The following BICRAL variants were observed in gnomAD, a reference collection of about 807,000 sequenced individuals.
BICRAL encodes the protein BICRA like chromatin remodeling complex associated protein.
BICRAL carries 8 observed loss-of-function variants against 91.8 expected under a neutral mutation model. The ratio of observed to expected loss-of-function variants is 0.09; its 90% CI spans 0.05 to 0.16. The LOEUF (loss-of-function observed/expected upper bound fraction) is 0.16, where lower values mean the gene tolerates loss of function less well. Ranked by LOEUF, BICRAL falls within the 10% of genes least tolerant of loss-of-function variation. The pLI, the probability that BICRAL is intolerant of heterozygous loss-of-function variation, is 1.00. For missense variants in BICRAL, 1,038 were observed against 1,310.9 expected, an observed-to-expected ratio of 0.79 and a Z score of 3.21; for synonymous variants, 445 against 491.1, an observed-to-expected ratio of 0.91 and a Z score of 1.24.
intron 6 of BICRAL, among the ~76,000 whole-genome samples, chr6:42,830,586 A>T (rs1360369826): frequency 6.6e-6 from 1 of 151,646 alleles, no homozygotes; most frequent in East Asian, 1.9e-4. Flanking sequence ...TTTTACACTT[A>T]TGACTGGTTA....
At chr6:42,809,949 G>C (rs1472474396) in intron 1 of BICRAL, among the ~76,000 whole-genome samples, 1 of 151,966 alleles carries the variant, frequency 6.6e-6, no homozygotes, top group South Asian at 2.1e-4. Context: ...ACCACACCTG[G>C]TTGAGTTCTG....
intron 8 of BICRAL, 106 bp downstream of exon 8, chr6:42,853,844 C>A: frequency 1.3e-6 from 1 of 793,448 alleles, no homozygotes; most frequent in Non-Finnish European, 2.1e-6. Flanking sequence ...GCACAGTCCA[C>A]CCAGTCCCCT....
intron 1 of BICRAL, among the ~76,000 whole-genome samples, chr6:42,788,657 A>G (rs1387559215): frequency 6.6e-6 from 1 of 152,188 alleles, no homozygotes; most frequent in African/African-American, 2.4e-5. Context: ...TATAGGACTT[A>G]ACTTTCTGAC....
At chr6:42,861,793 G>A (rs971617030) in intron 11 of BICRAL, among the ~76,000 whole-genome samples, 8 of 152,052 alleles carry the variant, frequency 5.3e-5, no homozygotes, top group African/African-American at 1.7e-4. Context: ...GAGGTCAGGA[G>A]TTTGAGACCA....
chr6:42,749,770 A>AT (rs1370681704), intron 1 of BICRAL, among the ~76,000 whole-genome samples: 3 of 150,460 alleles, frequency 2.0e-5, no homozygotes, highest in African/African-American at 7.3e-5. Flanking sequence ...CACCCTGATT[A>AT]TTTTTTGGCC....
intron 1 of BICRAL, among the ~76,000 whole-genome samples, chr6:42,753,445 A>G (rs1762411471): frequency 1.3e-5 from 2 of 152,148 alleles, no homozygotes; most frequent in Admixed American, 6.6e-5. Context: ...GGAAAGCTTC[A>G]GAGGGGGTTG....
At chr6:42,775,177 C>T (rs938498434) in intron 1 of BICRAL, among the ~76,000 whole-genome samples, 34 of 152,168 alleles carry the variant, frequency 2.2e-4, no homozygotes, top group Non-Finnish European at 1.5e-5. Flanking sequence ...TCAGGTGATC[C>T]GCCCGCTTCA....
intron 6 of BICRAL, among the ~76,000 whole-genome samples, chr6:42,850,524 A>G (rs1295017149): frequency 6.6e-6 from 1 of 151,556 alleles, no homozygotes; most frequent in African/African-American, 2.4e-5. Context: ...CATCTTTCAA[A>G]AAAAAAAACA....
intron 6 of BICRAL, among the ~76,000 whole-genome samples, chr6:42,848,846 T>G (rs781405063): frequency 2.0e-5 from 3 of 152,006 alleles, no homozygotes; most frequent in African/African-American, 4.8e-5. Flanking sequence ...ACAAAACAAT[T>G]AATTATAAAG....
rs150839427 is a variant in BICRAL, at chr6:42,858,805, G to A, written c.2255-1457G>A. Among the ~76,000 whole-genome samples the A allele has an allele frequency of 1.1e-4, 16 of 152,020 alleles. No individual in the cohort carries two copies. The South Asian group carries it at 1.2e-3, about 12-fold the overall frequency. On this transcript the variant is annotated intron_variant, in intron 10 of 12. Coordinates refer to ENST00000314073, the MANE Select transcript of BICRAL (RefSeq NM_001393499.1). ...GCACTCCAGCCTGGGCAACAAGAGC[G>A]AAACTCCATCTAAAAAATAAATAAA...
At position 42,845,202 on chromosome 6, in the gene BICRAL, T is replaced by G. The variant is rs1216649919; in HGVS notation, c.1840-6890T>G. ...GTTTTTTGTTTTTTGGGTGTTTTTTTTTTTTTTTTTTTTTTTTTTTTTTTT... is the reference window on the plus strand; with the variant it reads ...GTTTTTTGTTTTTTGGGTGTTTTTTGTTTTTTTTTTTTTTTTTTTTTTTTT... On this transcript the variant is annotated intron_variant, in intron 6 of 12. Transcript: ENST00000314073. Among the ~76,000 whole-genome samples, 40 of 18,332 alleles carry G rather than the reference T, an allele frequency of 2.2e-3. 5 individuals are homozygous for G. The highest frequency in any genetic ancestry group is 0.01 in the South Asian group (5 of 496). 12.0% of individuals were successfully genotyped at this position (18,332 alleles called of 152,430 possible). A position where few individuals can be genotyped will look rare whatever the true frequency, so the allele number is the denominator to read the frequency against.
At chr6:42,767,709 C>T (rs945818843) in intron 1 of BICRAL, among the ~76,000 whole-genome samples, 2 of 152,184 alleles carry the variant, frequency 1.3e-5, no homozygotes, top group Admixed American at 6.5e-5. Flanking sequence ...AATCCAGGGA[C>T]AGACAGGACA....
intron 6 of BICRAL, among the ~76,000 whole-genome samples, chr6:42,840,664 G>A (rs980760796): frequency 3.3e-5 from 5 of 152,030 alleles, no homozygotes; most frequent in Non-Finnish European, 4.4e-5. Context: ...GCACCCCCTA[G>A]TAGCTGGGAT....
At chr6:42,836,943 T>C (rs1418063536) in intron 6 of BICRAL, among the ~76,000 whole-genome samples, 1 of 147,154 alleles carries the variant, frequency 6.8e-6, no homozygotes, top group African/African-American at 2.5e-5. Context: ...CTATGTAATA[T>C]TTCTTTTCTT....
intron 9 of BICRAL, among the ~76,000 whole-genome samples, chr6:42,856,366 CTTTTTTTTTTTTTT>C (rs556976712): frequency 2.9e-5 from 2 of 68,104 alleles, no homozygotes; most frequent in Non-Finnish European, 5.1e-5. Context: ...CTTTCTTTTC[CTTTTTTTTTTTTTT>C]TTTTTTTTTT....
At chr6:42,839,943 G>T (rs984627101) in intron 6 of BICRAL, among the ~76,000 whole-genome samples, 13 of 152,178 alleles carry the variant, frequency 8.5e-5, no homozygotes, top group African/African-American at 2.7e-4. Context: ...AAGTCTTTTT[G>T]TGCAGAGAGT....
At chr6:42,784,328 A>G (rs762152146) in intron 1 of BICRAL, among the ~76,000 whole-genome samples, 1 of 152,112 alleles carries the variant, frequency 6.6e-6, no homozygotes, top group Non-Finnish European at 1.5e-5. Flanking sequence ...CTTTTACATT[A>G]TTATTGAAAA....
At chr6:42,822,611 G>A (rs1444809248) in intron 3 of BICRAL, among the ~76,000 whole-genome samples, 185 bp from the exon 4 acceptor site, 1 of 147,168 alleles carries the variant, frequency 6.8e-6, no homozygotes. Context: ...ATAATAATAG[G>A]AAATGGCACA....
intron 12 of BICRAL, among the ~76,000 whole-genome samples, chr6:42,863,111 G>A (rs111891856): frequency 4.6e-4 from 69 of 149,338 alleles, no homozygotes; most frequent in African/African-American, 1.5e-3. Context: ...GTTCAGTGGC[G>A]GATCTTGGCT....
Sources: gnomAD v4.1 joint callset for allele counts (sites outside exome capture counted in the v4.1 genomes callset) on GRCh38, gnomAD v4.1.1 for gene constraint, MANE v1.5 for transcripts, NCBI Gene and HGNC (gene_info 2026-07-23, HGNC 2026-07-21) for gene names.